The following SMG6 variants were observed in gnomAD, a reference collection of about 807,000 sequenced individuals.
SMG6 encodes telomerase-binding protein EST1A.
SMG6 carries 66 observed loss-of-function variants against 142.2 expected under a neutral mutation model. The observed-to-expected ratio is 0.46, with a 90% CI of 0.38 to 0.57. The LOEUF is 0.57. Ranked by LOEUF, SMG6 falls within the 20% of genes least tolerant of loss-of-function variation. The pLI is 0.00. For synonymous variants in SMG6, 779 were observed against 702.4 expected, an observed-to-expected ratio of 1.11 and a Z score of -1.72; for missense variants, 1,793 against 1,832.0, an observed-to-expected ratio of 0.98 and a Z score of 0.39.
intron 1 of SMG6, among the ~76,000 whole-genome samples, chr17:2,300,976 C>T (rs2075267002): frequency 6.6e-6 from 1 of 152,148 alleles, no homozygotes; most frequent in Admixed American, 6.6e-5. Context: ...ATCCAAGATC[C>T]CAAACTACCT....
At chr17:2,183,382 A>G (rs1196589925) in intron 12 of SMG6, among the ~76,000 whole-genome samples, 1 of 152,252 alleles carries the variant, frequency 6.6e-6, no homozygotes, top group Non-Finnish European at 1.5e-5. Context: ...TTGTACAAAC[A>G]TGAACACACA....
At chr17:2,104,222 A>G (rs1245580914) in intron 13 of SMG6, among the ~76,000 whole-genome samples, 1 of 152,030 alleles carries the variant, frequency 6.6e-6, no homozygotes, top group Non-Finnish European at 1.5e-5. Context: ...AAGTGCTGGG[A>G]TTACAGGCGT....
intron 9 of SMG6, chr17:2,239,910 G>A (rs1383783356): frequency 6.6e-6 from 1 of 152,162 alleles, no homozygotes; most frequent in African/African-American, 2.4e-5. Flanking sequence ...GCAAGTAAAA[G>A]CTAAAGTGGT....
At chr17:2,061,706 C>T (rs1053144657) in intron 18 of SMG6, 84 bp from the exon 19 acceptor site, 12 of 1,463,660 alleles carry the variant, frequency 8.2e-6, no homozygotes, top group African/African-American at 5.6e-5. Context: ...AGAATGTGGT[C>T]CTGGGGAGGG....
intron 8 of SMG6, among the ~76,000 whole-genome samples, chr17:2,246,211 T>A (rs1555568): frequency 7.9e-5 from 12 of 151,980 alleles, no homozygotes; most frequent in Admixed American, 4.6e-4. Flanking sequence ...CCAAAGCAAG[T>A]AGAAACAATC....
chr17:2,079,209 C>T (rs1036033693), intron 15 of SMG6, among the ~76,000 whole-genome samples: 3 of 152,206 alleles, frequency 2.0e-5, no homozygotes, highest in African/African-American at 7.2e-5. Flanking sequence ...AATGATCCAC[C>T]CACCGTGGCC....
intron 13 of SMG6, chr17:2,086,960 C>T (rs1597364023): frequency 1.6e-6 from 2 of 1,266,398 alleles, no homozygotes; most frequent in East Asian, 5.6e-5. Context: ...GGGGACGGCC[C>T]CTTCATCCTC....
intron 12 of SMG6, among the ~76,000 whole-genome samples, chr17:2,177,097 A>C (rs1207123803): frequency 6.6e-6 from 1 of 152,132 alleles, no homozygotes; most frequent in Non-Finnish European, 1.5e-5. Context: ...TTAACCCTTC[A>C]GGCTGAGGTG....
intron 10 of SMG6, among the ~76,000 whole-genome samples, chr17:2,201,032 G>A (rs1020585450): frequency 6.6e-6 from 1 of 152,168 alleles, no homozygotes; most frequent in Non-Finnish European, 1.5e-5. Flanking sequence ...TAAAAAGTAG[G>A]TGATTTTATC....
At chr17:2,292,714 ATAAGG>A in intron 5 of SMG6, 84 bp from the exon 6 acceptor site, 1 of 1,536,122 alleles carries the variant, frequency 6.5e-7, no homozygotes, top group East Asian at 2.3e-5. Flanking sequence ...TACTTAAAAC[ATAAGG>A]TAGAGTGTTA....
intron 15 of SMG6, among the ~76,000 whole-genome samples, chr17:2,070,299 G>T (rs140378505): frequency 1.3e-5 from 2 of 152,368 alleles, no homozygotes; most frequent in East Asian, 1.9e-4. Context: ...CCATGGCCAA[G>T]AATCGAACTG....
chr17:2,078,620 C>T (rs745686003), intron 15 of SMG6, among the ~76,000 whole-genome samples: 1 of 152,070 alleles, frequency 6.6e-6, no homozygotes, highest in Non-Finnish European at 1.5e-5. Flanking sequence ...GATCTGCCAG[C>T]CTCGGCTGCC....
Position 2,132,220 on chromosome 17 carries a change from A to G in SMG6, c.3357+40438T>C, listed in dbSNP as rs548556124. On this transcript the variant is annotated intron_variant, in intron 13 of 18. Transcript: ENST00000263073. ...CTTTACTTCTTTGCTCTGTATCCCCATAACTGGAATGTAAAATCTATGAGG... is the reference window on the plus strand; with the variant it reads ...CTTTACTTCTTTGCTCTGTATCCCCGTAACTGGAATGTAAAATCTATGAGG... Among the ~76,000 whole-genome samples the G allele has an allele frequency of 3.3e-5, 5 of 152,334 alleles. No individual in the cohort carries two copies. In the South Asian group the frequency reaches 1.0e-3, roughly 32 times the overall value.
intron 13 of SMG6, among the ~76,000 whole-genome samples, chr17:2,140,060 G>C (rs1296533308): frequency 6.7e-6 from 1 of 150,318 alleles, no homozygotes; most frequent in African/African-American, 2.5e-5. Flanking sequence ...TTTTTAAACT[G>C]TTAAGGGGCA....
At chr17:2,269,753 T>C (rs2074506671) in intron 8 of SMG6, among the ~76,000 whole-genome samples, 1 of 152,094 alleles carries the variant, frequency 6.6e-6, no homozygotes, top group Admixed American at 6.6e-5. Flanking sequence ...AAGCAGAAAC[T>C]ATGAGCTCCA....
chr17:2,198,567 T>C (rs889857031), intron 10 of SMG6, among the ~76,000 whole-genome samples: 33 of 152,152 alleles, frequency 2.2e-4, no homozygotes, highest in African/African-American at 8.0e-4. Flanking sequence ...ACTAAAGCTA[T>C]GCAAGACATG....
chr17:2,140,700 C>T (rs2070451093), intron 13 of SMG6, among the ~76,000 whole-genome samples: 1 of 151,434 alleles, frequency 6.6e-6, no homozygotes, highest in Admixed American at 6.6e-5. Context: ...TCTTCATATC[C>T]ACATTGTATT....
intron 10 of SMG6, among the ~76,000 whole-genome samples, chr17:2,210,447 T>C (rs556101886): frequency 6.6e-6 from 1 of 152,056 alleles, no homozygotes; most frequent in African/African-American, 2.4e-5. Flanking sequence ...TTGAATAAAC[T>C]TGCGATTCCA....
chr17:2,274,534 T>C (rs566454971), intron 8 of SMG6, among the ~76,000 whole-genome samples: 5 of 152,160 alleles, frequency 3.3e-5, no homozygotes, highest in East Asian at 3.9e-4. Context: ...TGGGTGAAGA[T>C]AGAGAAAAAG....
Sources: allele counts gnomAD v4.1 joint callset (sites outside exome capture counted in the v4.1 genomes callset), GRCh38; gene constraint gnomAD v4.1.1; transcripts MANE v1.5; gene names NCBI Gene and HGNC (gene_info 2026-07-23, HGNC 2026-07-21).